MALRD1: variants seen among roughly 807,000 people sequenced by gnomAD.
MALRD1 encodes the protein MAM and LDL-receptor class A domain-containing protein 1.
A neutral mutation model predicts 242.1 loss-of-function variants in MALRD1; 247 were observed. That is an observed-to-expected ratio of 1.02 (90% CI 0.92 to 1.13). The LOEUF (loss-of-function observed/expected upper bound fraction) is 1.13. MALRD1 is among the 50% of genes most tolerant of loss of function. The pLI is 0.00. For synonymous variants in MALRD1, 995 were observed against 866.6 expected (o/e 1.15, Z -2.60); for missense variants, 2,989 against 2,533.1 (o/e 1.18, Z -3.86).
At chr10:19,531,631 A>G (rs7097568) in intron 32 of MALRD1, among the ~76,000 whole-genome samples, 15,365 of 152,216 alleles carry the variant, frequency 0.1, 2,258 homozygotes, top group African/African-American at 0.32. Context: ...GGCAGATTCG[A>G]CATGTATCTT....
At chr10:19,432,841 C>T (rs572243611) in intron 28 of MALRD1, among the ~76,000 whole-genome samples, 6 of 152,196 alleles carry the variant, frequency 3.9e-5, no homozygotes, top group African/African-American at 1.4e-4. Context: ...CTTTCTCCCC[C>T]AAACTTGCAA....
chr10:19,511,318 A>T (rs1355226211), intron 31 of MALRD1, among the ~76,000 whole-genome samples: 1 of 152,116 alleles, frequency 6.6e-6, no homozygotes, highest in Non-Finnish European at 1.5e-5. Context: ...CACACGGCTG[A>T]TCTTTAAATT....
intron 18 of MALRD1, among the ~76,000 whole-genome samples, chr10:19,214,580 G>A (rs990684793): frequency 6.6e-6 from 1 of 152,068 alleles, no homozygotes; most frequent in Non-Finnish European, 1.5e-5. Context: ...TCATTTGTAT[G>A]GAGAAACTTC....
chr10:19,284,024 G>A (rs1840964009), intron 21 of MALRD1, among the ~76,000 whole-genome samples: 1 of 152,126 alleles, frequency 6.6e-6, no homozygotes, highest in Non-Finnish European at 1.5e-5. Flanking sequence ...TGTTAGTGAT[G>A]GAGCATTTCT....
chr10:19,209,040 A>G (rs1836916475), intron 17 of MALRD1, among the ~76,000 whole-genome samples: 1 of 152,210 alleles, frequency 6.6e-6, no homozygotes, highest in Non-Finnish European at 1.5e-5. Context: ...AAAGTGTCCA[A>G]AGCAATTCCA....
chr10:19,677,635 A>T (rs1162784029), intron 36 of MALRD1, among the ~76,000 whole-genome samples: 1 of 152,080 alleles, frequency 6.6e-6, no homozygotes, highest in Non-Finnish European at 1.5e-5. Flanking sequence ...CACTCTGATG[A>T]TACTTTCTTT....
At chr10:19,575,215 T>A (rs190704283) in intron 33 of MALRD1, among the ~76,000 whole-genome samples, 7 of 152,274 alleles carry the variant, frequency 4.6e-5, no homozygotes, top group Admixed American at 4.6e-4. Flanking sequence ...AACCCACATA[T>A]ACAGAGGACC....
intron 32 of MALRD1, among the ~76,000 whole-genome samples, chr10:19,539,641 C>T (rs1834845139): frequency 6.6e-6 from 1 of 151,930 alleles, no homozygotes; most frequent in Non-Finnish European, 1.5e-5. Flanking sequence ...CAATAGTTGC[C>T]TGTGAGACAT....
intron 35 of MALRD1, among the ~76,000 whole-genome samples, chr10:19,615,378 T>A (rs1486103357): frequency 6.7e-6 from 1 of 149,466 alleles, no homozygotes; most frequent in Middle Eastern, 3.5e-3. Context: ...ATTAGGCAAG[T>A]GTAGTAGTGT....
chr10:19,431,983 C>A (rs1377739556), intron 28 of MALRD1, among the ~76,000 whole-genome samples: 1 of 152,020 alleles, frequency 6.6e-6, no homozygotes, highest in African/African-American at 2.4e-5. Context: ...CTTCTACGTT[C>A]TACCATATGA....
At chr10:19,284,011 G>A (rs76605482) in intron 21 of MALRD1, among the ~76,000 whole-genome samples, 2 of 152,182 alleles carry the variant, frequency 1.3e-5, no homozygotes, top group South Asian at 2.1e-4. Flanking sequence ...CAAGGAAAGG[G>A]TTTGTTAGTG....
intron 36 of MALRD1, among the ~76,000 whole-genome samples, chr10:19,641,527 T>C (rs1368828353): frequency 1.3e-5 from 2 of 152,172 alleles, no homozygotes; most frequent in African/African-American, 2.4e-5. Flanking sequence ...CAGTACCATA[T>C]TGGTCATCAT....
chr10:19,303,590 T>C (rs974816420), intron 21 of MALRD1, among the ~76,000 whole-genome samples: 2 of 151,774 alleles, frequency 1.3e-5, no homozygotes, highest in Admixed American at 6.6e-5. Context: ...AGGCAAGCCA[T>C]GTGTGTAATT....
At chr10:19,305,382 G>T (rs1286761362) in intron 21 of MALRD1, among the ~76,000 whole-genome samples, 2 of 151,458 alleles carry the variant, frequency 1.3e-5, no homozygotes, top group African/African-American at 4.8e-5. Context: ...AGGTTTTCAG[G>T]TTATGACTTG....
At chr10:19,515,898 G>C (rs1833606889) in intron 31 of MALRD1, among the ~76,000 whole-genome samples, 1 of 152,110 alleles carries the variant, frequency 6.6e-6, no homozygotes, top group Non-Finnish European at 1.5e-5. Context: ...AAGAACGTTA[G>C]AACCAGCTAG....
rs182870133 is a variant in MALRD1 at position 19,531,369 on chromosome 10, A to G, written c.5478+18A>G. 3.4e-5 allele frequency: 52 copies of G among 1,510,568 alleles called. No individual in the cohort carries two copies. Among genetic ancestry groups the G allele is most frequent in the Non-Finnish European group, 4.2e-5 (47 of 1,120,166 alleles). 93.6% of individuals were successfully genotyped at this position (1,510,568 alleles called of 1,614,324 possible). On this transcript the variant is annotated intron_variant, in intron 32 of 39. Transcript: ENST00000454679. ...TATTAAAGGTACAAAAGGAAGCCAGAGATTTATGATCACTGAAATATGCAT... is the reference window on the plus strand; with the variant it reads ...TATTAAAGGTACAAAAGGAAGCCAGGGATTTATGATCACTGAAATATGCAT...
intron 33 of MALRD1, among the ~76,000 whole-genome samples, chr10:19,572,172 A>G (rs969944219): frequency 6.6e-6 from 1 of 152,190 alleles, no homozygotes. Context: ...TAGGTTTCCC[A>G]GGGCAACATT....
intron 26 of MALRD1, among the ~76,000 whole-genome samples, chr10:19,379,336 A>G: frequency 6.6e-6 from 1 of 151,802 alleles, no homozygotes; most frequent in East Asian, 1.9e-4. Context: ...CCTTCTACTT[A>G]TTTTGTGATA....
At chr10:19,356,592 A>C (rs1374557243) in intron 26 of MALRD1, among the ~76,000 whole-genome samples, 1 of 152,110 alleles carries the variant, frequency 6.6e-6, no homozygotes, top group Non-Finnish European at 1.5e-5. Flanking sequence ...TTTTAAATCC[A>C]GTGTGTATTG....
Sources: gnomAD v4.1 joint callset for allele counts (sites outside exome capture counted in the v4.1 genomes callset) on GRCh38, gnomAD v4.1.1 for gene constraint, MANE v1.5 for transcripts, NCBI Gene and HGNC (gene_info 2026-07-23, HGNC 2026-07-21) for gene names.